The following UVRAG variants were observed in gnomAD, a reference collection of about 807,000 sequenced individuals.
UVRAG encodes the protein UV radiation resistance associated.
Under a neutral mutation model 78.0 loss-of-function variants are expected in UVRAG, and 19 were observed. The ratio of observed to expected loss-of-function variants is 0.24; its 90% CI spans 0.17 to 0.36. The LOEUF is 0.36. Ranked by LOEUF, UVRAG falls within the 10% of genes least tolerant of loss-of-function variation. The pLI is 1.00. For synonymous variants in UVRAG, 323 were observed against 324.6 expected (o/e 1.00, Z 0.05); for missense variants, 740 against 853.8 (o/e 0.87, Z 1.66).
chr11:75,844,678 C>CT (rs111624830), intron 1 of UVRAG, among the ~76,000 whole-genome samples: 65,841 of 142,974 alleles, frequency 0.46, 15,338 homozygotes, highest in Middle Eastern at 0.58. Flanking sequence ...CTTTTCTTTT[C>CT]TTTTTTTTTT....
At chr11:76,060,926 A>C (rs112451641) in intron 12 of UVRAG, among the ~76,000 whole-genome samples, 1,702 of 152,304 alleles carry the variant, frequency 0.011, 33 homozygotes, top group African/African-American at 0.039. Flanking sequence ...GTGCCATCGA[A>C]CACCCAAGGG....
At chr11:75,846,255 G>T (rs755862547) in intron 1 of UVRAG, among the ~76,000 whole-genome samples, 1 of 152,104 alleles carries the variant, frequency 6.6e-6, no homozygotes, top group Non-Finnish European at 1.5e-5. Flanking sequence ...AAGACTTACC[G>T]CGTTTCAGTC....
intron 5 of UVRAG, among the ~76,000 whole-genome samples, chr11:75,892,056 A>G (rs1383461886): frequency 3.9e-5 from 6 of 152,352 alleles, no homozygotes; most frequent in Middle Eastern, 6.8e-3. Context: ...GATTCCTTCT[A>G]TATACTTCCT....
At chr11:75,891,938 T>C (rs1947221036) in intron 5 of UVRAG, among the ~76,000 whole-genome samples, 2 of 152,056 alleles carry the variant, frequency 1.3e-5, no homozygotes, top group South Asian at 4.1e-4. Context: ...GGATAGGTGA[T>C]AGATAAATGT....
At chr11:75,832,984 A>G (rs920591536) in intron 1 of UVRAG, among the ~76,000 whole-genome samples, 1 of 152,194 alleles carries the variant, frequency 6.6e-6, no homozygotes, top group Non-Finnish European at 1.5e-5. Context: ...TACCAGTGTC[A>G]CAGAGAAGTT....
chr11:76,057,217 A>AT (rs34439329), intron 12 of UVRAG, among the ~76,000 whole-genome samples: 59,712 of 136,746 alleles, frequency 0.44, 14,170 homozygotes, highest in Non-Finnish European at 0.53. Flanking sequence ...ATCAGATTTG[A>AT]TTTTTTAGGA....
intron 5 of UVRAG, among the ~76,000 whole-genome samples, chr11:75,893,577 C>T (rs1947269758): frequency 6.9e-6 from 1 of 145,716 alleles, no homozygotes; most frequent in Non-Finnish European, 1.5e-5. Flanking sequence ...CTTCAATGCG[C>T]TGTTAATTAT....
At chr11:76,125,011 A>G (rs1254462209) in intron 14 of UVRAG, among the ~76,000 whole-genome samples, 2 of 152,042 alleles carry the variant, frequency 1.3e-5, no homozygotes, top group African/African-American at 4.8e-5. Context: ...AAATCTTTAC[A>G]AAGCCTCACT....
chr11:75,834,654 A>G (rs1013396832), intron 1 of UVRAG, among the ~76,000 whole-genome samples: 3 of 152,040 alleles, frequency 2.0e-5, no homozygotes, highest in African/African-American at 7.2e-5. Context: ...CTGTACTAAA[A>G]ATACAAAAAA....
At chr11:76,007,005 G>A (rs977635418) in intron 9 of UVRAG, among the ~76,000 whole-genome samples, 2 of 152,030 alleles carry the variant, frequency 1.3e-5, no homozygotes, top group East Asian at 3.9e-4. Context: ...ATGATTATTT[G>A]TACCCTTTAC....
intron 6 of UVRAG, among the ~76,000 whole-genome samples, chr11:75,919,274 T>TA (rs1288385106): frequency 2.0e-5 from 3 of 152,196 alleles, no homozygotes; most frequent in Non-Finnish European, 2.9e-5. Flanking sequence ...TAATTGCAGT[T>TA]ATACAGAATA....
rs1032513389 is a variant in UVRAG, at chr11:76,143,469, G to C, written c.*2056G>C. Reference sequence around the variant, plus strand: ...GTGCAGACTCCCTGGTTGATCCTGGGCTTGTGGCTTTTCACCGCACGGCGG... The same window carrying C: ...GTGCAGACTCCCTGGTTGATCCTGGCCTTGTGGCTTTTCACCGCACGGCGG... On this transcript the variant is annotated 3_prime_UTR_variant, in exon 15 of 15. Coordinates refer to ENST00000356136, the MANE Select transcript of UVRAG (RefSeq NM_003369.4). 7.2e-5 allele frequency among the ~76,000 whole-genome samples: 11 copies of C among 152,244 alleles called. No individual in the cohort carries two copies. The highest frequency in any genetic ancestry group is 6.5e-4 in the Admixed American group (10 of 15,288).
chr11:76,100,200 TC>T (rs1489769711), intron 13 of UVRAG, among the ~76,000 whole-genome samples: 8 of 152,154 alleles, frequency 5.3e-5, no homozygotes, highest in Non-Finnish European at 8.8e-5. Flanking sequence ...GAACAAAAAC[TC>T]ACACTTCCAA....
At chr11:75,989,584 CAGAAAT>C (rs563688397) in intron 8 of UVRAG, among the ~76,000 whole-genome samples, 1 of 152,176 alleles carries the variant, frequency 6.6e-6, no homozygotes, top group Non-Finnish European at 1.5e-5. Flanking sequence ...TTCCATCAGT[CAGAAAT>C]AGAAGTCTTT....
intron 12 of UVRAG, among the ~76,000 whole-genome samples, chr11:76,038,937 A>G (rs7127603): frequency 0.068 from 10,361 of 152,276 alleles, 670 homozygotes; most frequent in African/African-American, 0.17. Context: ...TGAGCTACAC[A>G]TGAGAAGCCT....
chr11:75,877,744 C>G, intron 3 of UVRAG, among the ~76,000 whole-genome samples: 1 of 142,022 alleles, frequency 7.0e-6, no homozygotes, highest in South Asian at 2.3e-4. Context: ...GGCTGACCCC[C>G]CCACTTCCCT....
intron 1 of UVRAG, among the ~76,000 whole-genome samples, chr11:75,825,391 G>A (rs1453771807): frequency 6.6e-6 from 1 of 152,168 alleles, no homozygotes; most frequent in Admixed American, 6.5e-5. Context: ...GGGATTGCAG[G>A]CATGAGCCAC....
At chr11:75,903,359 G>T (rs913236452) in intron 5 of UVRAG, among the ~76,000 whole-genome samples, 1 of 152,118 alleles carries the variant, frequency 6.6e-6, no homozygotes, top group Non-Finnish European at 1.5e-5. Flanking sequence ...TTTTAGCATG[G>T]TATTCAAGAC....
At chr11:75,872,060 T>G (rs1946664120) in intron 3 of UVRAG, among the ~76,000 whole-genome samples, 1 of 152,228 alleles carries the variant, frequency 6.6e-6, no homozygotes, top group Admixed American at 6.5e-5. Flanking sequence ...TGATCTAACT[T>G]GATAGTTAAC....
Sources: gnomAD v4.1 joint callset for allele counts (sites outside exome capture counted in the v4.1 genomes callset) on GRCh38, gnomAD v4.1.1 for gene constraint, MANE v1.5 for transcripts, NCBI Gene and HGNC (gene_info 2026-07-23, HGNC 2026-07-21) for gene names.